Variants in LRRC8D observed in about 807,000 individuals in gnomAD.
LRRC8D encodes the protein volume-regulated anion channel subunit LRRC8D.
A neutral mutation model predicts 55.8 loss-of-function variants in LRRC8D; 20 were observed. The ratio of observed to expected loss-of-function variants is 0.36; its 90% CI spans 0.25 to 0.52. LRRC8D has a LOEUF of 0.52. Among genes scored for constraint, LRRC8D ranks in the 20% least tolerant of loss-of-function variants. LRRC8D has a pLI of 0.93. For missense variants in LRRC8D, 651 were observed against 1,030.8 expected (o/e 0.63, Z 5.05); for synonymous variants, 352 against 377.0 (o/e 0.93, Z 0.77).
intron 2 of LRRC8D, among the ~76,000 whole-genome samples, chr1:89,914,630 T>C (rs1663214086): frequency 6.6e-6 from 1 of 152,222 alleles, no homozygotes. Context: ...ACAGTAACAC[T>C]TGGTTTTCCT....
At chr1:89,884,341 C>T (rs573654827) in intron 2 of LRRC8D, among the ~76,000 whole-genome samples, 18 of 152,302 alleles carry the variant, frequency 1.2e-4, no homozygotes, top group Middle Eastern at 3.4e-3. Flanking sequence ...TGAAGGAAAA[C>T]GCCCACATAA....
intron 1 of LRRC8D, among the ~76,000 whole-genome samples, chr1:89,830,976 G>T (rs1055864257): frequency 4.7e-5 from 7 of 150,074 alleles, no homozygotes; most frequent in Admixed American, 6.7e-5. Context: ...TGTGATCTTG[G>T]CTCACTGCAA....
chr1:89,897,587 C>T (rs1231738794), intron 2 of LRRC8D, among the ~76,000 whole-genome samples: 3 of 152,118 alleles, frequency 2.0e-5, no homozygotes, highest in Non-Finnish European at 4.4e-5. Flanking sequence ...TCTATACACA[C>T]GCAGGACCTA....
intron 1 of LRRC8D, among the ~76,000 whole-genome samples, chr1:89,827,709 CCTTGT>C (rs1660796826): frequency 6.6e-6 from 1 of 152,188 alleles, no homozygotes; most frequent in African/African-American, 2.4e-5. Flanking sequence ...TTAATTGCCT[CCTTGT>C]CTTCCTGCTC....
At chr1:89,896,849 T>C (rs185257280) in intron 2 of LRRC8D, among the ~76,000 whole-genome samples, 4 of 152,236 alleles carry the variant, frequency 2.6e-5, no homozygotes, top group Non-Finnish European at 5.9e-5. Context: ...AATAAACATA[T>C]TCACATATTC....
At chr1:89,834,611 A>G (rs1660963282) in intron 1 of LRRC8D, among the ~76,000 whole-genome samples, 1 of 152,252 alleles carries the variant, frequency 6.6e-6, no homozygotes, top group Admixed American at 6.5e-5. Context: ...ACAGTTTAGT[A>G]TAATTCAGCA....
chr1:89,855,879 G>T (rs779257032), intron 2 of LRRC8D, among the ~76,000 whole-genome samples: 1 of 152,164 alleles, frequency 6.6e-6, no homozygotes, highest in Non-Finnish European at 1.5e-5. Flanking sequence ...CAGACCAATA[G>T]AGATCAAAGA....
chr1:89,863,726 T>G (rs1434618044), intron 2 of LRRC8D, among the ~76,000 whole-genome samples: 1 of 152,234 alleles, frequency 6.6e-6, no homozygotes, highest in Admixed American at 6.5e-5. Flanking sequence ...TATAAAGCCT[T>G]GGTCTTTCAT....
At chr1:89,908,143 C>G (rs758119768) in intron 2 of LRRC8D, among the ~76,000 whole-genome samples, 1 of 152,210 alleles carries the variant, frequency 6.6e-6, no homozygotes, top group Non-Finnish European at 1.5e-5. Flanking sequence ...ACCCACCCAA[C>G]TGTATCATTT....
At chr1:89,897,141 A>G (rs1327626539) in intron 2 of LRRC8D, among the ~76,000 whole-genome samples, 1 of 152,252 alleles carries the variant, frequency 6.6e-6, no homozygotes, top group Admixed American at 6.5e-5. Flanking sequence ...CACTTTGATG[A>G]TAACTATTGA....
intron 2 of LRRC8D, among the ~76,000 whole-genome samples, chr1:89,876,335 C>T (rs1198534427): frequency 6.6e-6 from 1 of 152,192 alleles, no homozygotes; most frequent in African/African-American, 2.4e-5. Context: ...CCGTGGGGCT[C>T]ATTTACCATA....
In LRRC8D at chr1:89,935,729, C is replaced by T; in HGVS notation, c.*84C>T. The T allele has an allele frequency of 8.0e-7, 1 of 1,249,514 alleles. No individual in the cohort carries two copies. Among genetic ancestry groups the T allele is most frequent in the Non-Finnish European group, 1.1e-6 (1 of 880,800 alleles). The allele number at this position is 1,249,514 out of a possible 1,614,324, so 77.4% of individuals were successfully genotyped here. On this transcript the variant is annotated 3_prime_UTR_variant, in exon 3 of 3. Transcript: ENST00000337338. ...ACGTACAAGTTATTACAAGATAATG[C>T]ATTTTAGGAGTAGATACATCTTTTA...
chr1:89,933,827 G>C lies in LRRC8D; in HGVS notation c.759G>C (p.Met253Ile). 1 of 1,614,058 alleles carries C rather than the reference G, an allele frequency of 6.2e-7. No individual in the cohort carries two copies. Among genetic ancestry groups the C allele is most frequent in the Non-Finnish European group, 8.5e-7 (1 of 1,180,004 alleles). ...GGAGCCCCAGTGCCAGTACACCAAT[G>C]ATCAATAAAACTGGCTTTAAATTTT... ...DEGSPSASTP[M>I]INKTGFKFSA... Residue 253 changes from methionine (M) to isoleucine (I), a missense_variant, in exon 3 of 3, where the codon ATG (methionine) becomes ATC (isoleucine). By Grantham distance (10) the Met-to-Ile change is conservative. Coordinates refer to ENST00000337338, the MANE Select transcript of LRRC8D (RefSeq NM_001134479.2). The surrounding 1 kb of genome is among the most constrained non-coding windows in gnomAD (Gnocchi z 7.0).
rs192623799 is a variant in LRRC8D, at chr1:89,833,187, G to A, written c.-147-10451G>A. Among the ~76,000 whole-genome samples the A allele has an allele frequency of 9.3e-3, 1,418 of 152,308 alleles. 10 individuals are homozygous for A. The highest frequency in any genetic ancestry group is 0.015 in the Non-Finnish European group (1,000 of 68,016). On this transcript the variant is annotated intron_variant, in intron 1 of 2. Transcript: ENST00000337338. ...CCTCAGTCTTAAAGTCAGCATCAGA[G>A]TTTGGTTGAAAAAAGAAATAAAATT...
intron 2 of LRRC8D, among the ~76,000 whole-genome samples, chr1:89,856,948 T>C (rs1206372353): frequency 3.9e-5 from 6 of 152,340 alleles, no homozygotes; most frequent in Admixed American, 2.6e-4. Context: ...GAATGTCAAT[T>C]ATACTTTCTT....
intron 2 of LRRC8D, among the ~76,000 whole-genome samples, chr1:89,877,164 A>G (rs1275184581): frequency 6.6e-6 from 1 of 152,154 alleles, no homozygotes; most frequent in Non-Finnish European, 1.5e-5. Context: ...GAGGGAGTCT[A>G]AGGAAAGGAA....
intron 1 of LRRC8D, among the ~76,000 whole-genome samples, chr1:89,828,908 A>G (rs942261259): frequency 2.0e-5 from 3 of 152,162 alleles, no homozygotes; most frequent in Non-Finnish European, 4.4e-5. Context: ...CAGAACAAGG[A>G]GAAGAAAGGA....
At chr1:89,891,159 C>T (rs1032884980) in intron 2 of LRRC8D, among the ~76,000 whole-genome samples, 5 of 152,206 alleles carry the variant, frequency 3.3e-5, no homozygotes, top group South Asian at 2.1e-4. Context: ...GGATTACAGG[C>T]GTGAGCCACC....
chr1:89,901,211 C>G (rs1033436335), intron 2 of LRRC8D, among the ~76,000 whole-genome samples: 26 of 152,280 alleles, frequency 1.7e-4, no homozygotes, highest in African/African-American at 5.8e-4. Flanking sequence ...TGAGTTCTCA[C>G]CTGTTTGTCT....
Sources: gnomAD v4.1 joint callset for allele counts (sites outside exome capture counted in the v4.1 genomes callset) on GRCh38, gnomAD v4.1.1 for gene constraint, Gnocchi (gnomAD v3.1) non-coding constraint, MANE v1.5 for transcripts, NCBI Gene and HGNC (gene_info 2026-07-23, HGNC 2026-07-21) for gene names.